Variants in NRG1 observed in about 807,000 individuals in gnomAD.
The protein encoded by NRG1 is pro-neuregulin-1, membrane-bound isoform.
Under a neutral mutation model 63.8 loss-of-function variants are expected in NRG1, and 18 were observed. The ratio of observed to expected loss-of-function variants is 0.28; its 90% CI spans 0.19 to 0.42. The LOEUF is 0.42. NRG1 is among the 10% of genes least tolerant of loss of function. NRG1 has a pLI of 1.00. For synonymous variants in NRG1, 302 were observed against 301.3 expected (o/e 1.00, Z -0.02); for missense variants, 762 against 814.7 (o/e 0.94, Z 0.79).
intron 1 of NRG1, among the ~76,000 whole-genome samples, chr8:31,777,613 G>A (rs568471145): frequency 2.0e-5 from 3 of 152,334 alleles, no homozygotes; most frequent in Admixed American, 1.3e-4. Context: ...AATTTATAAA[G>A]AAAAGAGGTT....
At chr8:31,752,680 T>C (rs1563361088) in intron 1 of NRG1, among the ~76,000 whole-genome samples, 1 of 152,044 alleles carries the variant, frequency 6.6e-6, no homozygotes, top group East Asian at 1.9e-4. Flanking sequence ...AATTTCATGG[T>C]TTTTTGGCTT....
At chr8:32,445,206 CT>C (rs1820090105) in intron 1 of NRG1, among the ~76,000 whole-genome samples, 1 of 152,194 alleles carries the variant, frequency 6.6e-6, no homozygotes, top group African/African-American at 2.4e-5. Flanking sequence ...CTCCTGAATA[CT>C]TTAAATCATC....
intron 5 of NRG1, among the ~76,000 whole-genome samples, chr8:32,685,447 T>A (rs903160731): frequency 9.2e-5 from 14 of 152,108 alleles, no homozygotes; most frequent in Non-Finnish European, 1.5e-5. Flanking sequence ...AGCCCAACTC[T>A]TTTCCCTCCA....
chr8:31,961,023 T>A (rs1805364058), intron 1 of NRG1, among the ~76,000 whole-genome samples: 2 of 152,224 alleles, frequency 1.3e-5, no homozygotes, highest in Non-Finnish European at 2.9e-5. Flanking sequence ...CTTGGAATTT[T>A]TTTTTCATAG....
chr8:32,658,066 C>T (rs554572398), intron 5 of NRG1, among the ~76,000 whole-genome samples: 7 of 152,164 alleles, frequency 4.6e-5, no homozygotes, highest in Non-Finnish European at 1.0e-4. Flanking sequence ...TAAATTAACC[C>T]CTGACCAGTA....
chr8:32,160,037 AG>A (rs934597782), intron 1 of NRG1, among the ~76,000 whole-genome samples: 97 of 152,298 alleles, frequency 6.4e-4, no homozygotes, highest in African/African-American at 2.3e-3. Context: ...ATAGGAAGAG[AG>A]GGTTTCTTCC....
At chr8:32,455,136 C>T (rs1045352162) in intron 1 of NRG1, among the ~76,000 whole-genome samples, 4 of 152,140 alleles carry the variant, frequency 2.6e-5, no homozygotes, top group African/African-American at 7.2e-5. Flanking sequence ...GTACCCCCAT[C>T]GTTAAGCAAC....
chr8:31,693,958 C>T (rs986829969), intron 1 of NRG1, among the ~76,000 whole-genome samples: 32 of 152,170 alleles, frequency 2.1e-4, no homozygotes, highest in Non-Finnish European at 4.4e-5. Context: ...CCACCTTAGA[C>T]TCTCGAGTAG....
At chr8:32,447,075 G>A (rs550540030) in intron 1 of NRG1, among the ~76,000 whole-genome samples, 92 of 151,442 alleles carry the variant, frequency 6.1e-4, no homozygotes, top group Middle Eastern at 3.4e-3. Flanking sequence ...GTGCAGTGGC[G>A]CAGTCTCAGC....
At chr8:32,336,919 C>T (rs187814636) in intron 1 of NRG1, among the ~76,000 whole-genome samples, 4 of 152,018 alleles carry the variant, frequency 2.6e-5, no homozygotes, top group Admixed American at 2.0e-4. Context: ...CTAGAGTGGA[C>T]ATTTTATTCT....
At chr8:31,802,392 GT>G in intron 1 of NRG1, among the ~76,000 whole-genome samples, 1 of 152,066 alleles carries the variant, frequency 6.6e-6, no homozygotes, top group Non-Finnish European at 1.5e-5. Flanking sequence ...TCTACTCTGT[GT>G]TTAAATTCCT....
intron 1 of NRG1, among the ~76,000 whole-genome samples, chr8:32,311,784 G>T (rs376328198): frequency 2.0e-5 from 3 of 152,258 alleles, no homozygotes; most frequent in East Asian, 3.9e-4. Flanking sequence ...GAGCCGTGCT[G>T]CTTTTCCACA....
intron 5 of NRG1, among the ~76,000 whole-genome samples, chr8:32,664,065 A>G (rs888368800): frequency 6.6e-6 from 1 of 152,128 alleles, no homozygotes; most frequent in African/African-American, 2.4e-5. Context: ...TATATTATGA[A>G]TTAGGTTTTA....
At chr8:32,557,259 G>A (rs183869394) in intron 1 of NRG1, among the ~76,000 whole-genome samples, 41 of 152,104 alleles carry the variant, frequency 2.7e-4, no homozygotes, top group Admixed American at 3.9e-4. Flanking sequence ...AACCCACCTC[G>A]GCCTCCCAAA....
intron 1 of NRG1, among the ~76,000 whole-genome samples, chr8:32,398,915 G>A (rs1005766722): frequency 2.0e-5 from 3 of 152,060 alleles, no homozygotes; most frequent in Non-Finnish European, 4.4e-5. Flanking sequence ...ATGTGATTTT[G>A]CAGAATATGA....
intron 5 of NRG1, among the ~76,000 whole-genome samples, chr8:32,635,310 A>G (rs1261589660): frequency 6.6e-6 from 1 of 152,200 alleles, no homozygotes; most frequent in Non-Finnish European, 1.5e-5. Flanking sequence ...TAACATACAG[A>G]TTAGGTCTTT....
rs1205236038 is a variant in NRG1, at chr8:32,228,552, A to G, written c.38-367276A>G. Among the ~76,000 whole-genome samples the G allele has an allele frequency of 3.9e-5, 6 of 152,270 alleles. No individual in the cohort carries two copies. In the East Asian group the frequency reaches 1.2e-3, roughly 29 times the overall value. On this transcript the variant is annotated intron_variant, in intron 1 of 10. Coordinates refer to the NRG1 transcript ENST00000519301. ...GGTGGAATCATTTATTAGTTTTTTA[A>G]TTTAATTTTTCACATGTGAGTGTGA...
At chr8:32,364,956 A>ATTTTTTTTTT (rs1807744817) in intron 1 of NRG1, among the ~76,000 whole-genome samples, 1 of 83,060 alleles carries the variant, frequency 1.2e-5, no homozygotes, top group African/African-American at 5.7e-5. Flanking sequence ...TCCCTTTACT[A>ATTTTTTTTTT]CTTTTTTTTT....
At chr8:32,072,061 A>T (rs1825826952) in intron 1 of NRG1, among the ~76,000 whole-genome samples, 1 of 152,172 alleles carries the variant, frequency 6.6e-6, no homozygotes, top group Admixed American at 6.6e-5. Context: ...ATGAAAAGAT[A>T]TGCCACATAA....
Sources: allele counts gnomAD v4.1 joint callset (sites outside exome capture counted in the v4.1 genomes callset), GRCh38; gene constraint gnomAD v4.1.1; transcripts MANE v1.5; gene names NCBI Gene and HGNC (gene_info 2026-07-23, HGNC 2026-07-21).